TRRAP: variants seen among roughly 807,000 people sequenced by gnomAD.
The protein encoded by TRRAP is transformation/transcription domain associated protein, also known as transformation/transcription domain-associated protein.
Under a neutral mutation model 438.8 loss-of-function variants are expected in TRRAP, and 41 were observed. The observed-to-expected ratio is 0.09, with a 90% CI of 0.07 to 0.12. The LOEUF is 0.12. TRRAP is among the 10% of genes least tolerant of loss of function. The probability of loss-of-function intolerance (pLI) is 1.00; values close to 1 mark genes in which losing one functional copy is unlikely to be tolerated. For synonymous variants in TRRAP, 1,994 were observed against 1,962.9 expected (o/e 1.02, Z -0.42); for missense variants, 3,122 against 5,055.1 (o/e 0.62, Z 11.60).
chr7:98,950,507 A>G (rs1202720349), intron 38 of TRRAP, among the ~76,000 whole-genome samples: 3 of 152,188 alleles, frequency 2.0e-5, no homozygotes, highest in East Asian at 1.9e-4. Flanking sequence ...GGGTGACACA[A>G]TGAGACTCTG....
chr7:98,994,148 A>G lies in TRRAP; in HGVS notation c.10047+411A>G, dbSNP rs1365108144. Among the ~76,000 whole-genome samples, 5 of 152,174 alleles carry G rather than the reference A, an allele frequency of 3.3e-5. No individual in the cohort carries two copies. Among genetic ancestry groups the G allele is most frequent in the Non-Finnish European group, 7.3e-5 (5 of 68,042 alleles). ...TCCTTAATAACGTTGGCTTAAGCTGATGACAGAATAGTCCACGCCTCACTG... is the reference window on the plus strand; with the variant it reads ...TCCTTAATAACGTTGGCTTAAGCTGGTGACAGAATAGTCCACGCCTCACTG... On this transcript the variant is annotated intron_variant, in intron 66 of 72. Transcript: ENST00000456197. The surrounding 1 kb of genome is among the most constrained non-coding windows in gnomAD (Gnocchi z 4.8).
intron 20 of TRRAP, among the ~76,000 whole-genome samples, chr7:98,919,614 A>C (rs781983562): frequency 2.6e-5 from 4 of 152,166 alleles, no homozygotes; most frequent in Non-Finnish European, 5.9e-5. Context: ...AAAAAACCAA[A>C]AGATAAAGAT....
intron 62 of TRRAP, among the ~76,000 whole-genome samples, chr7:98,985,712 G>A (rs1057382359): frequency 2.0e-5 from 3 of 152,198 alleles, no homozygotes; most frequent in African/African-American, 7.2e-5. Flanking sequence ...TTCAGTCTGT[G>A]GGGCTTGCAT....
intron 30 of TRRAP, among the ~76,000 whole-genome samples, chr7:98,941,489 A>G (rs1790795121): frequency 6.6e-6 from 1 of 152,170 alleles, no homozygotes; most frequent in African/African-American, 2.4e-5. Context: ...ATTGGCTTGA[A>G]TATTTCCTCA....
chr7:98,973,306 G>A (rs969787374), intron 53 of TRRAP, among the ~76,000 whole-genome samples: 2 of 152,052 alleles, frequency 1.3e-5, no homozygotes, highest in Non-Finnish European at 2.9e-5. Context: ...CAGAAAAAAG[G>A]GCTATAAGTC....
chr7:98,906,681 C>T (rs1796752160), intron 13 of TRRAP, among the ~76,000 whole-genome samples: 2 of 151,914 alleles, frequency 1.3e-5, no homozygotes, highest in Admixed American at 1.3e-4. Context: ...GATCTGCCTG[C>T]CTCAGCCTCC....
chr7:98,879,142 G>T (rs949670275), intron 1 of TRRAP, among the ~76,000 whole-genome samples: 4 of 152,150 alleles, frequency 2.6e-5, no homozygotes, highest in Non-Finnish European at 5.9e-5. Flanking sequence ...GGCTTGGCGG[G>T]GTCTGGGGGC....
chr7:98,919,005 A>G (rs1024040405), intron 20 of TRRAP, among the ~76,000 whole-genome samples: 1 of 152,070 alleles, frequency 6.6e-6, no homozygotes, highest in African/African-American at 2.4e-5. Flanking sequence ...AAAAAAGAAA[A>G]AAAGGTTGAT....
At position 98,942,936 on chromosome 7, in the gene TRRAP, G is replaced by A; in HGVS notation, c.4405-13G>A. 6.2e-7 allele frequency: 1 copy of A among 1,614,164 alleles called. No individual in the cohort carries two copies. The highest frequency in any genetic ancestry group is 8.5e-7 in the Non-Finnish European group (1 of 1,180,006). On this transcript the variant is annotated splice_polypyrimidine_tract_variant and intron_variant, in intron 30 of 72. Coordinates refer to ENST00000456197, the MANE Select transcript of TRRAP (RefSeq NM_001375524.1). ...ACTGTGAAGTTGTGTCTCAGGATGT[G>A]TTTTTCCAACAGCAACATCTGCGCA...
At chr7:98,903,170 T>TGCCA (rs1796552016) in intron 11 of TRRAP, among the ~76,000 whole-genome samples, 1 of 152,150 alleles carries the variant, frequency 6.6e-6, no homozygotes, top group Non-Finnish European at 1.5e-5. Flanking sequence ...TACAGGCATG[T>TGCCA]GCCATCACAC....
At position 98,915,692 on chromosome 7, in the gene TRRAP, G is replaced by A. The variant is rs370000225; in HGVS notation, c.2200-31G>A. ...GGGTATAGACCCTCCTCATTTAGAT[G>A]CCACTAATCTGCGTCTTCTCCACCC... is the stretch of plus-strand genomic sequence containing the variant. On this transcript the variant is annotated intron_variant, in intron 18 of 72. Coordinates refer to ENST00000456197, the MANE Select transcript of TRRAP (RefSeq NM_001375524.1). 9.1e-5 allele frequency: 146 copies of A among 1,605,516 alleles called. No individual in the cohort carries two copies. In the African/African-American group the frequency reaches 1.6e-3, roughly 18 times the overall value.
Position 98,976,008 on chromosome 7 carries a change from G to C in TRRAP, c.7840-141G>C, listed in dbSNP as rs73395140. On this transcript the variant is annotated intron_variant, in intron 53 of 72. Coordinates refer to ENST00000456197, the MANE Select transcript of TRRAP (RefSeq NM_001375524.1). This position sits in a 1 kb window ranked among gnomAD's most constrained non-coding sequence, Gnocchi z 4.6. ...ATCTGTGGGCTTTTACTCTAACATG[G>C]CATTTTCTCAGATCTTTGAAACTTT... is the stretch of plus-strand genomic sequence containing the variant. The C allele has an allele frequency of 8.9e-7, 1 of 1,124,390 alleles. No individual in the cohort carries two copies. The highest frequency in any genetic ancestry group is 1.6e-5 in the African/African-American group (1 of 63,474). 69.7% of individuals were successfully genotyped at this position (1,124,390 alleles called of 1,614,324 possible).
intron 39 of TRRAP, among the ~76,000 whole-genome samples, chr7:98,952,441 CAA>C (rs1791385660): frequency 6.6e-6 from 1 of 152,192 alleles, no homozygotes; most frequent in Non-Finnish European, 1.5e-5. Context: ...CACCTCGAAT[CAA>C]AGAGGTCTTC....
chr7:98,904,471 A>G (rs929839210), intron 12 of TRRAP, among the ~76,000 whole-genome samples: 1 of 145,556 alleles, frequency 6.9e-6, no homozygotes, highest in Non-Finnish European at 1.5e-5. Flanking sequence ...GCGACAGAGC[A>G]AGACTCTGTC....
chr7:98,992,492 GA>G (rs1392519326), intron 65 of TRRAP, among the ~76,000 whole-genome samples: 1 of 152,152 alleles, frequency 6.6e-6, no homozygotes, highest in Non-Finnish European at 1.5e-5. Flanking sequence ...TTCAGCTTCA[GA>G]AAACTGTAAA....
chr7:98,927,591 A>G (rs1554411807), intron 23 of TRRAP, among the ~76,000 whole-genome samples: 1 of 152,184 alleles, frequency 6.6e-6, no homozygotes, highest in African/African-American at 2.4e-5. Context: ...TGTTTGTAAG[A>G]TAGACCCAAT....
At position 98,935,643 on chromosome 7, in the gene TRRAP, C is replaced by T. The variant is rs139426093; in HGVS notation, c.4079C>T (p.Pro1360Leu). Residue 1360 changes from proline to leucine, a missense_variant, in exon 28 of 73, where the codon CCG becomes CTG. By Grantham distance (98) the Pro-to-Leu change is moderately conservative (BLOSUM62 -3). This residue lies in a region of TRRAP where 84 missense variants were observed against 119.8 expected (regional missense o/e 0.70). Transcript: ENST00000456197. ...AAGCTGCCCTGTTATAAAAGCCTTCCGTCACTCGTACCTTTACGAATTGCG... is the reference window on the plus strand; with the variant it reads ...AAGCTGCCCTGTTATAAAAGCCTTCTGTCACTCGTACCTTTACGAATTGCG... Reference protein sequence around the residue: ...LTKLPCYKSLPSLVPLRIAAL... With the variant: ...LTKLPCYKSLLSLVPLRIAAL... The T allele has an allele frequency of 1.1e-5, 17 of 1,603,538 alleles. No homozygotes were observed. Among genetic ancestry groups the T allele is most frequent in the African/African-American group, 2.7e-5 (2 of 74,788 alleles).
rs781967265 is a variant in TRRAP at position 98,931,660 on chromosome 7, A to G, written c.3847A>G (p.Lys1283Glu). The G allele has an allele frequency of 6.2e-7, 1 of 1,611,120 alleles. No homozygotes were observed. Among genetic ancestry groups the G allele is most frequent in the South Asian group, 1.1e-5 (1 of 90,974 alleles). ...KSVTVIMEPHKEVLQDMVPPK... is the reference protein window; with the variant it reads ...KSVTVIMEPHEEVLQDMVPPK... ...TGTCACGGTGATCATGGAACCCCAC[A>G]AAGAGGTGAGATTTCTGTCACCAGA... The change falls in exon 26 of 73, where the codon AAA (lysine) becomes GAA (glutamate). Residue 1283 changes from lysine (K) to glutamate (E), a missense_variant. Coordinates refer to ENST00000456197, the MANE Select transcript of TRRAP (RefSeq NM_001375524.1).
intron 20 of TRRAP, among the ~76,000 whole-genome samples, chr7:98,918,362 C>T (rs1789620879): frequency 6.6e-6 from 1 of 150,996 alleles, no homozygotes; most frequent in Non-Finnish European, 1.5e-5. Context: ...TCCTGAGTAG[C>T]TGGGACTACA....
Sources: gnomAD v4.1 joint callset for allele counts (sites outside exome capture counted in the v4.1 genomes callset) on GRCh38, gnomAD v4.1.1 for gene constraint, gnomAD v4.1.1 regional missense constraint, Gnocchi (gnomAD v3.1) non-coding constraint, MANE v1.5 for transcripts, NCBI Gene and HGNC (gene_info 2026-07-23, HGNC 2026-07-21) for gene names.